The following CDYL2 variants were observed in gnomAD, a reference collection of about 807,000 sequenced individuals.
CDYL2 encodes chromodomain Y-like protein 2.
CDYL2 carries 23 observed loss-of-function variants against 49.4 expected under a neutral mutation model. The ratio of observed to expected loss-of-function variants is 0.47; its 90% CI spans 0.34 to 0.66. The LOEUF is 0.66. Among genes scored for constraint, CDYL2 ranks in the 30% least tolerant of loss-of-function variants. The pLI, the probability that CDYL2 is intolerant of heterozygous loss-of-function variation, is 0.01. For synonymous variants in CDYL2, 360 were observed against 268.8 expected (o/e 1.34, Z -3.32); for missense variants, 678 against 656.4 (o/e 1.03, Z -0.36).
intron 1 of CDYL2, among the ~76,000 whole-genome samples, chr16:80,708,474 T>C (rs530501661): frequency 6.6e-6 from 1 of 152,210 alleles, no homozygotes; most frequent in Non-Finnish European, 1.5e-5. Flanking sequence ...CCATTAAACC[T>C]CTTTCTTTTA....
intron 1 of CDYL2, among the ~76,000 whole-genome samples, chr16:80,714,687 C>A (rs905123785): frequency 6.6e-6 from 1 of 152,152 alleles, no homozygotes; most frequent in Admixed American, 6.5e-5. Flanking sequence ...CCCAGCATAC[C>A]TTACATCAAT....
intron 2 of CDYL2, among the ~76,000 whole-genome samples, chr16:80,679,365 A>G (rs1909884573): frequency 6.6e-6 from 1 of 152,068 alleles, no homozygotes; most frequent in African/African-American, 2.4e-5. Flanking sequence ...CAGTCACAAA[A>G]TGTCTCTGTC....
chr16:80,710,696 C>T (rs1904566535), intron 1 of CDYL2, among the ~76,000 whole-genome samples: 1 of 152,050 alleles, frequency 6.6e-6, no homozygotes, highest in African/African-American at 2.4e-5. Context: ...TGAAGGTGAT[C>T]TATTGTACAT....
At chr16:80,765,876 CAAA>C (rs554710623) in intron 1 of CDYL2, among the ~76,000 whole-genome samples, 2 of 47,172 alleles carry the variant, frequency 4.2e-5, no homozygotes, top group Non-Finnish European at 8.3e-5. Context: ...CCCTCATCTA[CAAA>C]AAAAAAAAAA....
rs1407459686 is a variant in CDYL2 at position 80,676,961 on chromosome 16, G to GTCTTTTTTTTTTTTTTTTTTTT, written c.616+7576_616+7577insAAAAAAAAAAAAAAAAAAAAGA. 8.1e-5 allele frequency among the ~76,000 whole-genome samples: 9 copies of GTCTTTTTTTTTTTTTTTTTTTT among 110,518 alleles called. 3 individuals carry two copies. The highest frequency in any genetic ancestry group is 5.6e-5 in the Non-Finnish European group (3 of 53,550). The allele number at this position is 110,518 out of a possible 152,430, so 72.5% of individuals were successfully genotyped here. ...AGGACTTTTTAACAACCAATTCAAT[G>GTCTTTTTTTTTTTTTTTTTTTT]TATTTTTTTTTTTTTTTTTTTTTTT... is the stretch of plus-strand genomic sequence containing the variant. On this transcript the variant is annotated intron_variant, in intron 2 of 6. Coordinates refer to ENST00000570137, the MANE Select transcript of CDYL2 (RefSeq NM_152342.4).
chr16:80,607,372 G>A (rs1289402944), intron 6 of CDYL2, among the ~76,000 whole-genome samples: 1 of 152,156 alleles, frequency 6.6e-6, no homozygotes, highest in Non-Finnish European at 1.5e-5. Context: ...AGGAAGGGAG[G>A]GGCAAGGGTC....
At chr16:80,780,273 G>T (rs1245402999) in intron 1 of CDYL2, among the ~76,000 whole-genome samples, 4 of 151,850 alleles carry the variant, frequency 2.6e-5, no homozygotes, top group Non-Finnish European at 4.4e-5. Flanking sequence ...ATACAATAAT[G>T]TGAAGTGATT....
At chr16:80,692,113 A>G (rs1322977212) in intron 1 of CDYL2, among the ~76,000 whole-genome samples, 2 of 152,236 alleles carry the variant, frequency 1.3e-5, no homozygotes, top group East Asian at 3.8e-4. Flanking sequence ...AAAAAATCTA[A>G]ACAGGGCAGA....
chr16:80,681,759 C>G (rs1357808383), intron 2 of CDYL2, among the ~76,000 whole-genome samples: 1 of 152,210 alleles, frequency 6.6e-6, no homozygotes, highest in Non-Finnish European at 1.5e-5. Context: ...ATGGAGCCAG[C>G]CTCGGGCGCC....
At chr16:80,717,865 A>G (rs1904862883) in intron 1 of CDYL2, among the ~76,000 whole-genome samples, 1 of 152,260 alleles carries the variant, frequency 6.6e-6, no homozygotes, top group African/African-American at 2.4e-5. Context: ...CAAAGTTCCT[A>G]GAACAGTTAT....
chr16:80,641,533 G>C (rs905856425), intron 2 of CDYL2, among the ~76,000 whole-genome samples: 1 of 152,066 alleles, frequency 6.6e-6, no homozygotes, highest in African/African-American at 2.4e-5. Flanking sequence ...TTAAGAAAAT[G>C]TGGCACATAT....
At chr16:80,775,801 T>C (rs553207477) in intron 1 of CDYL2, among the ~76,000 whole-genome samples, 1 of 151,816 alleles carries the variant, frequency 6.6e-6, no homozygotes, top group Non-Finnish European at 1.5e-5. Context: ...CAGAATTTAC[T>C]TGATATAGTA....
At chr16:80,720,958 A>C (rs1197345274) in intron 1 of CDYL2, among the ~76,000 whole-genome samples, 2 of 152,208 alleles carry the variant, frequency 1.3e-5, no homozygotes, top group East Asian at 3.8e-4. Flanking sequence ...GAAAGAACCC[A>C]TATCATTTCA....
At chr16:80,653,425 A>C (rs949689632) in intron 2 of CDYL2, among the ~76,000 whole-genome samples, 1 of 152,236 alleles carries the variant, frequency 6.6e-6, no homozygotes, top group Non-Finnish European at 1.5e-5. Context: ...AGATCGCACC[A>C]TTGCACTCCA....
intron 2 of CDYL2, among the ~76,000 whole-genome samples, chr16:80,638,470 T>G (rs1010136152): frequency 6.6e-5 from 10 of 152,214 alleles, no homozygotes; most frequent in African/African-American, 2.4e-4. Context: ...TTTGTAGATA[T>G]TGGCAAACTG....
intron 1 of CDYL2, among the ~76,000 whole-genome samples, chr16:80,743,599 A>T (rs893800039): frequency 3.9e-5 from 6 of 152,214 alleles, no homozygotes; most frequent in Non-Finnish European, 7.3e-5. Flanking sequence ...CAGAAACCCC[A>T]GACATTGTGA....
chr16:80,672,350 CACAGAG>C (rs927305904), intron 2 of CDYL2, among the ~76,000 whole-genome samples: 1 of 103,774 alleles, frequency 9.6e-6, no homozygotes, highest in Admixed American at 8.6e-5. Flanking sequence ...CACACACACA[CACAGAG>C]AGAGAGAGAG....
At chr16:80,724,257 A>G (rs1392263297) in intron 1 of CDYL2, among the ~76,000 whole-genome samples, 5 of 149,234 alleles carry the variant, frequency 3.4e-5, no homozygotes, top group Admixed American at 6.7e-5. Flanking sequence ...AGATGAGGAG[A>G]AAGAGGAAGA....
At chr16:80,644,508 G>A (rs1908246605) in intron 2 of CDYL2, among the ~76,000 whole-genome samples, 1 of 152,186 alleles carries the variant, frequency 6.6e-6, no homozygotes, top group African/African-American at 2.4e-5. Flanking sequence ...TGGGTAGACT[G>A]GGGAACAAAA....
Sources: gnomAD v4.1 joint callset for allele counts (sites outside exome capture counted in the v4.1 genomes callset) on GRCh38, gnomAD v4.1.1 for gene constraint, MANE v1.5 for transcripts, NCBI Gene and HGNC (gene_info 2026-07-23, HGNC 2026-07-21) for gene names.